Variants in TAFA1 observed in about 807,000 individuals in gnomAD.
The protein encoded by TAFA1 is chemokine-like protein TAFA-1.
In TAFA1, 4 loss-of-function variants were observed where a neutral mutation model predicts 18.5. That is an observed-to-expected ratio of 0.22 (90% confidence interval 0.11 to 0.49). TAFA1 has a LOEUF of 0.49. Among genes scored for constraint, TAFA1 ranks in the 20% least tolerant of loss-of-function variants. The probability of loss-of-function intolerance (pLI) is 0.98; values close to 1 mark genes in which losing one functional copy is unlikely to be tolerated. For synonymous variants in TAFA1, 56 were observed against 55.2 expected, an observed-to-expected ratio of 1.01 and a Z score of -0.06; for missense variants, 147 against 169.0, an observed-to-expected ratio of 0.87 and a Z score of 0.72.
At chr3:68,395,882 C>G (rs1285655307) in intron 2 of TAFA1, among the ~76,000 whole-genome samples, 1 of 151,844 alleles carries the variant, frequency 6.6e-6, no homozygotes, top group Non-Finnish European at 1.5e-5. Flanking sequence ...TGCAGCAAAC[C>G]ACCATGGCAC....
intron 3 of TAFA1, among the ~76,000 whole-genome samples, chr3:68,523,326 G>A (rs1356117937): frequency 6.6e-6 from 1 of 152,106 alleles, no homozygotes; most frequent in Non-Finnish European, 1.5e-5. Flanking sequence ...TTTGAATATT[G>A]GTGATTAATT....
intron 3 of TAFA1, among the ~76,000 whole-genome samples, chr3:68,514,401 A>G (rs989580066): frequency 1.3e-5 from 2 of 152,194 alleles, no homozygotes; most frequent in Non-Finnish European, 2.9e-5. Context: ...ATAAATATAT[A>G]TGTGTAGAGA....
At chr3:68,461,364 T>TATATATATATATATATATATATATAA (rs2071775698) in intron 3 of TAFA1, among the ~76,000 whole-genome samples, 1 of 136,510 alleles carries the variant, frequency 7.3e-6, no homozygotes, top group Admixed American at 7.1e-5. Context: ...AAAGTGCATA[T>TATATATATATATATATATATATATAA]ATATATATAT....
chr3:68,043,567 A>G (rs1399795628), intron 2 of TAFA1, among the ~76,000 whole-genome samples: 1 of 152,204 alleles, frequency 6.6e-6, no homozygotes, highest in Non-Finnish European at 1.5e-5. Context: ...TTATTCATAG[A>G]ATTTTCTATG....
chr3:68,350,511 T>C (rs1044864085), intron 2 of TAFA1, among the ~76,000 whole-genome samples: 9 of 152,128 alleles, frequency 5.9e-5, no homozygotes, highest in Non-Finnish European at 1.2e-4. Flanking sequence ...ACCACAGATT[T>C]CCTGAATTAG....
chr3:68,063,911 C>T lies in TAFA1; in HGVS notation c.118+57167C>T, dbSNP rs115335478. On this transcript the variant is annotated intron_variant, in intron 2 of 4. Transcript: ENST00000478136. ...AGTGTAGCAGTAAATAAAAAGATTA[C>T]CCACTCTGGCGATGCCAGAATTGCT... Among the ~76,000 whole-genome samples, 478 of 152,244 alleles carry T rather than the reference C, an allele frequency of 3.1e-3. 2 individuals carry two copies. The highest frequency in any genetic ancestry group is 0.011 in the African/African-American group (451 of 41,542).
chr3:68,234,184 A>T (rs1338186198), intron 2 of TAFA1, among the ~76,000 whole-genome samples: 1 of 152,162 alleles, frequency 6.6e-6, no homozygotes, highest in Non-Finnish European at 1.5e-5. Flanking sequence ...ATGGCATTTG[A>T]GAGTGAAATC....
chr3:68,223,532 CAT>C (rs1491583289), intron 2 of TAFA1, among the ~76,000 whole-genome samples: 1 of 81,052 alleles, frequency 1.2e-5, no homozygotes, highest in Non-Finnish European at 2.8e-5. Context: ...CTGTTAGGAC[CAT>C]TTTTTTTTTT....
rs6778315 is a variant in TAFA1, at chr3:68,452,489, C to G, written c.259+35069C>G. On this transcript the variant is annotated intron_variant, in intron 3 of 4. Coordinates refer to ENST00000478136, the MANE Select transcript of TAFA1 (RefSeq NM_213609.4). ...AGTGAGCCGAGATCACGCCACTACA[C>G]TCCAGCCTAGGCGACAAAGCAAAAC... Among the ~76,000 whole-genome samples, 692 of 148,306 alleles carry G rather than the reference C, an allele frequency of 4.7e-3. 4 individuals carry two copies. Among genetic ancestry groups the G allele is most frequent in the African/African-American group, 0.017 (658 of 39,846 alleles).
At chr3:68,479,974 T>C (rs560484170) in intron 3 of TAFA1, among the ~76,000 whole-genome samples, 1 of 152,288 alleles carries the variant, frequency 6.6e-6, no homozygotes, top group East Asian at 1.9e-4. Context: ...AGACAAGTCT[T>C]TCACTTCTCT....
At chr3:68,515,206 T>C (rs2072903072) in intron 3 of TAFA1, among the ~76,000 whole-genome samples, 1 of 152,038 alleles carries the variant, frequency 6.6e-6, no homozygotes, top group South Asian at 2.1e-4. Context: ...CTCCCAGAAA[T>C]AAGAGTCTAA....
chr3:68,376,813 C>T (rs2069828315), intron 2 of TAFA1, among the ~76,000 whole-genome samples: 1 of 152,128 alleles, frequency 6.6e-6, no homozygotes, highest in Non-Finnish European at 1.5e-5. Context: ...AATCTCATAT[C>T]TAATTGTAAT....
chr3:68,413,556 C>G (rs2070756829), intron 2 of TAFA1, among the ~76,000 whole-genome samples: 1 of 152,130 alleles, frequency 6.6e-6, no homozygotes, highest in Non-Finnish European at 1.5e-5. Context: ...CATCTTTCAA[C>G]TACTTTGAAA....
intron 3 of TAFA1, among the ~76,000 whole-genome samples, chr3:68,436,409 G>A (rs533549125): frequency 2.0e-4 from 31 of 152,210 alleles, no homozygotes; most frequent in Admixed American, 5.2e-4. Context: ...TCTTAACTCA[G>A]GTGAAGTTCA....
intron 2 of TAFA1, among the ~76,000 whole-genome samples, chr3:68,017,358 G>A (rs995498487): frequency 2.6e-5 from 4 of 152,214 alleles, no homozygotes; most frequent in African/African-American, 9.6e-5. Flanking sequence ...AGAAGTAAGA[G>A]CAAATTTATG....
chr3:68,491,135 G>T (rs1408688530), intron 3 of TAFA1, among the ~76,000 whole-genome samples: 1 of 152,052 alleles, frequency 6.6e-6, no homozygotes, highest in Admixed American at 6.5e-5. Flanking sequence ...CACTGCAGCT[G>T]GCCTCCTCCA....
In TAFA1 at chr3:68,417,436, T is replaced by A; in HGVS notation, c.259+16T>A. The A allele has an allele frequency of 6.2e-7, 1 of 1,613,096 alleles. No individual in the cohort carries two copies. The highest frequency in any genetic ancestry group is 8.5e-7 in the Non-Finnish European group (1 of 1,179,378). The stretch of plus-strand genomic sequence containing the variant: ...TGCGTCGATGGTAGGTACCTGGTTT[T>A]ACCTCTTGAAAAGCTCACATGGCAT... On this transcript the variant is annotated intron_variant, in intron 3 of 4. Coordinates refer to ENST00000478136, the MANE Select transcript of TAFA1 (RefSeq NM_213609.4).
chr3:68,330,035 A>G (rs1458101866), intron 2 of TAFA1, among the ~76,000 whole-genome samples: 1 of 152,204 alleles, frequency 6.6e-6, no homozygotes, highest in Admixed American at 6.5e-5. Context: ...TTGCAGGGAT[A>G]GCTGGGTCCA....
At chr3:68,114,651 A>G (rs1374018136) in intron 2 of TAFA1, among the ~76,000 whole-genome samples, 1 of 152,256 alleles carries the variant, frequency 6.6e-6, no homozygotes, top group Non-Finnish European at 1.5e-5. Flanking sequence ...AAACACTTTG[A>G]CAAATATTGG....
Sources: gnomAD v4.1 joint callset for allele counts (sites outside exome capture counted in the v4.1 genomes callset) on GRCh38, gnomAD v4.1.1 for gene constraint, MANE v1.5 for transcripts, NCBI Gene and HGNC (gene_info 2026-07-23, HGNC 2026-07-21) for gene names.